The following BLTP1 variants were observed in gnomAD, a reference collection of about 807,000 sequenced individuals.
BLTP1 encodes bridge-like lipid transfer protein family member 1, also known as fragile site-associated protein.
the BLTP1 span, among the ~76,000 whole-genome samples, chr4:122,157,113 G>A: frequency 3.3e-5 from 5 of 152,172 alleles, no homozygotes; most frequent in African/African-American, 1.2e-4. Flanking sequence ...GAATCATCAA[G>A]TTAGAGATAC....
At chr4:122,197,180 T>A in the BLTP1 span, 1 of 1,020,838 alleles carries the variant, frequency 9.8e-7, no homozygotes, top group Non-Finnish European at 1.4e-6. Context: ...ATGAATTAAT[T>A]TTTTTCTTTT....
At chr4:122,325,962 C>A in the BLTP1 span, 1 of 523,794 alleles carries the variant, frequency 1.9e-6, no homozygotes, top group Non-Finnish European at 3.1e-6. Flanking sequence ...AACTAATCAA[C>A]CACACTGAAA....
the BLTP1 span, chr4:122,231,925 T>G: frequency 1.3e-6 from 1 of 749,216 alleles, no homozygotes; most frequent in Non-Finnish European, 1.6e-6. Context: ...TTGACATATA[T>G]CCGAGTATGA....
chr4:122,203,698 TTTTAATA>T, the BLTP1 span: 1 of 205,878 alleles, frequency 4.9e-6, no homozygotes, highest in African/African-American at 2.4e-5. Flanking sequence ...TCACCATAAT[TTTTAATA>T]TTTATCAGTA....
At chr4:122,153,729 A>T in the BLTP1 span, among the ~76,000 whole-genome samples, 1 of 152,158 alleles carries the variant, frequency 6.6e-6, no homozygotes, top group African/African-American at 2.4e-5. Flanking sequence ...GTGCATTTTG[A>T]GTTATGTTTT....
the BLTP1 span, chr4:122,200,092 T>G: frequency 1.1e-6 from 1 of 941,854 alleles, no homozygotes; most frequent in Non-Finnish European, 1.3e-6. Context: ...TCTTAATTTC[T>G]TGTCTTAAAC....
chr4:122,325,634 C>A, the BLTP1 span: 1 of 1,100,194 alleles, frequency 9.1e-7, no homozygotes. Flanking sequence ...CTACATCTTA[C>A]ACAAATGTAA....
At chr4:122,324,452 G>T in the BLTP1 span, 1 of 1,610,264 alleles carries the variant, frequency 6.2e-7, no homozygotes, top group Non-Finnish European at 8.5e-7. Context: ...GATAAGTGGG[G>T]TTTGAGTTAC....
the BLTP1 span, chr4:122,188,225 A>G: frequency 1.8e-5 from 19 of 1,065,088 alleles, no homozygotes; most frequent in Admixed American, 7.6e-4. Context: ...AGCAGTTAAC[A>G]ATGTAGTCCT....
the BLTP1 span, chr4:122,281,502 T>C: frequency 5.9e-6 from 9 of 1,535,584 alleles, no homozygotes; most frequent in African/African-American, 1.3e-4. Context: ...ACGTCCTGTG[T>C]TTATTTTTTA....
the BLTP1 span, among the ~76,000 whole-genome samples, chr4:122,321,979 ATTTTTTTTTTTTTTTTTTTT>A: frequency 1.5e-4 from 4 of 27,020 alleles, no homozygotes; most frequent in East Asian, 2.5e-3. Context: ...ACTACATGTA[ATTTTTTTTTTTTTTTTTTTT>A]TTTTTTTTTT....
chr4:122,289,039 G>A, the BLTP1 span: 2 of 1,564,110 alleles, frequency 1.3e-6, no homozygotes, highest in Non-Finnish European at 1.7e-6. Flanking sequence ...AGAAAAAAGT[G>A]TAAAGCTAAT....
chr4:122,315,519 A>T, the BLTP1 span: 3 of 1,614,154 alleles, frequency 1.9e-6, no homozygotes, highest in Non-Finnish European at 8.5e-7. Flanking sequence ...TGTGGGATTG[A>T]TGTTCACATG....
the BLTP1 span, among the ~76,000 whole-genome samples, chr4:122,287,965 T>C: frequency 6.6e-6 from 1 of 152,170 alleles, no homozygotes; most frequent in Non-Finnish European, 1.5e-5. Flanking sequence ...TCCTTGCTAA[T>C]ACTAGATATT....
the BLTP1 span, chr4:122,172,901 G>A: frequency 1.3e-6 from 2 of 1,528,426 alleles, no homozygotes; most frequent in South Asian, 2.5e-5. Flanking sequence ...TCTGGATTAT[G>A]AATGAAGAAG....
chr4:122,236,981 G>T, the BLTP1 span: 1 of 985,328 alleles, frequency 1.0e-6, no homozygotes, highest in South Asian at 4.7e-5. Flanking sequence ...TAGAATTAAG[G>T]ATCTATTTGG....
chr4:122,251,142 T>C, the BLTP1 span: 1 of 969,748 alleles, frequency 1.0e-6, no homozygotes, highest in Admixed American at 6.2e-5. Flanking sequence ...GTTCCTAACC[T>C]TTTCCTAAGT....
At chr4:122,338,931 G>A in the BLTP1 span, among the ~76,000 whole-genome samples, 1 of 152,008 alleles carries the variant, frequency 6.6e-6, no homozygotes, top group Non-Finnish European at 1.5e-5. Flanking sequence ...AAAAAGCTAG[G>A]ACAATGAACA....
At chr4:122,199,269 T>C in the BLTP1 span, 19 of 1,519,816 alleles carry the variant, frequency 1.3e-5, no homozygotes, top group Non-Finnish European at 1.7e-5. Context: ...GATTCCTTCT[T>C]TGAGTGGTGG....
Sources: gnomAD v4.1 joint callset for allele counts (sites outside exome capture counted in the v4.1 genomes callset) on GRCh38, gnomAD v4.1.1 for gene constraint, MANE v1.5 for transcripts, NCBI Gene and HGNC (gene_info 2026-07-23, HGNC 2026-07-21) for gene names.